The following CSGALNACT1 variants were observed in gnomAD, a reference collection of about 807,000 sequenced individuals.
CSGALNACT1 encodes beta4GalNAcT-1.
CSGALNACT1 carries 52 observed loss-of-function variants against 51.0 expected under a neutral mutation model. The observed-to-expected ratio is 1.02, with a 90% CI of 0.82 to 1.29. The LOEUF is 1.29. Ranked by LOEUF, CSGALNACT1 falls within the 50% of genes most tolerant of loss-of-function variation. The pLI is 0.00. For missense variants in CSGALNACT1, 935 were observed against 679.2 expected (o/e 1.38, Z -4.19); for synonymous variants, 341 against 254.4 (o/e 1.34, Z -3.24).
At chr8:19,484,008 G>C (rs914124931) in intron 4 of CSGALNACT1, among the ~76,000 whole-genome samples, 1 of 152,102 alleles carries the variant, frequency 6.6e-6, no homozygotes, top group African/African-American at 2.4e-5. Context: ...TCCAGGATGT[G>C]AATCATCACT....
At chr8:19,518,382 C>G (rs1343256915) in intron 3 of CSGALNACT1, among the ~76,000 whole-genome samples, 7 of 152,138 alleles carry the variant, frequency 4.6e-5, no homozygotes, top group Non-Finnish European at 1.0e-4. Flanking sequence ...TATCAGCAAC[C>G]TGTACTGTAA....
chr8:19,482,186 G>A (rs572457003), intron 4 of CSGALNACT1, among the ~76,000 whole-genome samples: 5 of 152,286 alleles, frequency 3.3e-5, no homozygotes, highest in East Asian at 3.9e-4. Flanking sequence ...CAGAATGTTC[G>A]GTGATAATGG....
chr8:19,599,528 A>AAAGAAAG (rs1564211925), intron 2 of CSGALNACT1, among the ~76,000 whole-genome samples: 6 of 148,170 alleles, frequency 4.0e-5, no homozygotes, highest in Non-Finnish European at 7.5e-5. Flanking sequence ...AAGAAAGAAA[A>AAAGAAAG]GAAAGAAAAA....
chr8:19,666,878 A>AGG (rs1564384184), intron 1 of CSGALNACT1, among the ~76,000 whole-genome samples: 3 of 121,282 alleles, frequency 2.5e-5, no homozygotes, highest in African/African-American at 1.0e-4. Context: ...AGAAAGAAAG[A>AGG]AAGAAAGAGA....
intron 3 of CSGALNACT1, among the ~76,000 whole-genome samples, chr8:19,563,295 A>G (rs2041194861): frequency 6.6e-6 from 1 of 152,130 alleles, no homozygotes. Flanking sequence ...AGGGGGAGGG[A>G]GAGCATCAGG....
intron 1 of CSGALNACT1, among the ~76,000 whole-genome samples, chr8:19,750,957 C>T (rs138837551): frequency 2.0e-5 from 3 of 152,242 alleles, no homozygotes; most frequent in African/African-American, 7.2e-5. Flanking sequence ...CATTTTTGAG[C>T]TGCTAGAAAA....
intron 1 of CSGALNACT1, among the ~76,000 whole-genome samples, chr8:19,651,654 T>C (rs963779258): frequency 2.0e-5 from 3 of 151,908 alleles, no homozygotes; most frequent in African/African-American, 7.3e-5. Flanking sequence ...TTTCTTTATC[T>C]AGTCCACTGT....
intron 5 of CSGALNACT1, among the ~76,000 whole-genome samples, chr8:19,456,400 C>A (rs963043546): frequency 3.3e-5 from 5 of 152,284 alleles, no homozygotes; most frequent in African/African-American, 1.2e-4. Context: ...AGCTTCTTTG[C>A]CAAATGAACT....
chr8:19,437,264 G>T (rs762802341), intron 6 of CSGALNACT1, among the ~76,000 whole-genome samples: 1 of 152,116 alleles, frequency 6.6e-6, no homozygotes, highest in Non-Finnish European at 1.5e-5. Context: ...ACAAAAAGGA[G>T]GGTGGAAGGA....
chr8:19,495,721 A>G (rs563785166), intron 4 of CSGALNACT1, among the ~76,000 whole-genome samples: 10 of 152,310 alleles, frequency 6.6e-5, no homozygotes, highest in African/African-American at 2.2e-4. Flanking sequence ...TCGGAAGAGA[A>G]TGTGTAGCCT....
intron 1 of CSGALNACT1, among the ~76,000 whole-genome samples, chr8:19,669,550 C>G (rs2059630572): frequency 6.6e-6 from 1 of 152,202 alleles, no homozygotes; most frequent in Admixed American, 6.5e-5. Flanking sequence ...CTCCCAGGTT[C>G]AAGCGATTCT....
At chr8:19,681,376 G>T (rs2154208888) in intron 1 of CSGALNACT1, among the ~76,000 whole-genome samples, 1 of 152,246 alleles carries the variant, frequency 6.6e-6, no homozygotes, top group South Asian at 2.1e-4. Context: ...AGGCAAAGGG[G>T]GAAATGGTGC....
At chr8:19,686,614 A>G (rs1483199385), upstream of CSGALNACT1, among the ~76,000 whole-genome samples, 3 of 152,216 alleles carry the variant, frequency 2.0e-5, no homozygotes, top group African/African-American at 7.2e-5. Flanking sequence ...CCAAAAAACA[A>G]ACTCCACTGG....
At chr8:19,508,771 A>T (rs927082962) in intron 3 of CSGALNACT1, among the ~76,000 whole-genome samples, 2 of 152,238 alleles carry the variant, frequency 1.3e-5, no homozygotes, top group Admixed American at 6.5e-5. Flanking sequence ...TTTTTCTCTC[A>T]GGGTTTTCTA....
intron 3 of CSGALNACT1, among the ~76,000 whole-genome samples, chr8:19,551,683 G>A (rs933678066): frequency 2.6e-5 from 4 of 152,112 alleles, no homozygotes; most frequent in Admixed American, 6.6e-5. Context: ...CTCCCAGTGG[G>A]CACTTGGCTT....
chr8:19,461,806 C>T lies in CSGALNACT1; in HGVS notation c.635-3164G>A, dbSNP rs918544525. Among the ~76,000 whole-genome samples, 295 of 90,648 alleles carry T rather than the reference C, an allele frequency of 3.3e-3. 37 individuals are homozygous for T. Among genetic ancestry groups the T allele is most frequent in the East Asian group, 0.019 (18 of 930 alleles). The allele number at this position is 90,648 out of a possible 152,430, so 59.5% of individuals were successfully genotyped here. A position where few individuals can be genotyped will look rare whatever the true frequency, so the allele number is the denominator to read the frequency against. On this transcript the variant is annotated intron_variant, in intron 4 of 9. Coordinates refer to ENST00000454498, the Ensembl canonical transcript of CSGALNACT1. Reference sequence around the variant, plus strand: ...CCACATTCACCATGGAGGGCGTATCCCCACAGCAGCCACATTAGCCATGGA... The same window carrying T: ...CCACATTCACCATGGAGGGCGTATCTCCACAGCAGCCACATTAGCCATGGA...
intron 1 of CSGALNACT1, among the ~76,000 whole-genome samples, chr8:19,721,287 G>A (rs2063115551): frequency 6.6e-6 from 1 of 152,086 alleles, no homozygotes; most frequent in Non-Finnish European, 1.5e-5. Flanking sequence ...ACAAGCCCAA[G>A]TCCCCAGCCA....
intron 1 of CSGALNACT1, among the ~76,000 whole-genome samples, chr8:19,695,198 C>T (rs2061525925): frequency 6.6e-6 from 1 of 152,110 alleles, no homozygotes. Flanking sequence ...TTTCCTAAAA[C>T]CACTGACTTC....
At chr8:19,629,692 A>G (rs2054947162) in intron 1 of CSGALNACT1, among the ~76,000 whole-genome samples, 1 of 152,222 alleles carries the variant, frequency 6.6e-6, no homozygotes, top group Admixed American at 6.5e-5. Flanking sequence ...TTCCAGCTGT[A>G]AAAGTACCTA....
Sources: allele counts gnomAD v4.1 joint callset (sites outside exome capture counted in the v4.1 genomes callset), GRCh38; gene constraint gnomAD v4.1.1; transcripts MANE v1.5; gene names NCBI Gene and HGNC (gene_info 2026-07-23, HGNC 2026-07-21).